PHACTR3: variants seen among roughly 807,000 people sequenced by gnomAD.
PHACTR3 encodes the protein protein phosphatase 1, regulatory subunit 123.
In PHACTR3, 16 loss-of-function variants were observed where a neutral mutation model predicts 66.8. The ratio of observed to expected loss-of-function variants is 0.24; its 90% confidence interval spans 0.16 to 0.36. The LOEUF is 0.36. Among genes scored for constraint, PHACTR3 ranks in the 10% least tolerant of loss-of-function variants. PHACTR3 has a pLI of 1.00. For missense variants in PHACTR3, 647 were observed against 719.9 expected, an observed-to-expected ratio of 0.90 and a Z score of 1.16; for synonymous variants, 323 against 292.1, an observed-to-expected ratio of 1.11 and a Z score of -1.08.
intron 12 of PHACTR3, 63 bp downstream of exon 12, chr20:59,845,328 TC>T (rs2145537192): frequency 1.0e-6 from 1 of 998,914 alleles, no homozygotes; most frequent in African/African-American, 1.6e-5. Context: ...CCTTCCCCCG[TC>T]CCCCGCCACA....
At chr20:59,652,133 A>G (rs980641944) in intron 1 of PHACTR3, among the ~76,000 whole-genome samples, 3 of 152,166 alleles carry the variant, frequency 2.0e-5, no homozygotes, top group African/African-American at 7.2e-5. Context: ...GAAGGAAAAA[A>G]GGCTGACTTC....
intron 1 of PHACTR3, among the ~76,000 whole-genome samples, chr20:59,617,280 A>C (rs2034061320): frequency 6.6e-6 from 1 of 152,186 alleles, no homozygotes. Flanking sequence ...GAAAAACCCA[A>C]AAAAAACAAC....
chr20:59,589,364 G>A (rs1031339798), intron 1 of PHACTR3, among the ~76,000 whole-genome samples: 1 of 152,178 alleles, frequency 6.6e-6, no homozygotes, highest in Non-Finnish European at 1.5e-5. Flanking sequence ...AATGGTGGGC[G>A]CCGAGAGATC....
chr20:59,662,518 C>A (rs1446166775), intron 1 of PHACTR3, among the ~76,000 whole-genome samples: 1 of 152,132 alleles, frequency 6.6e-6, no homozygotes, highest in Non-Finnish European at 1.5e-5. Context: ...AAGGGGGAAG[C>A]ATGCACGTTG....
intron 1 of PHACTR3, among the ~76,000 whole-genome samples, chr20:59,612,458 T>C (rs913859504): frequency 4.6e-5 from 7 of 152,026 alleles, no homozygotes; most frequent in Admixed American, 2.6e-4. Context: ...CCTGCCTGGT[T>C]CAAGCAATTC....
rs143554549 is a variant in PHACTR3 at position 59,703,690 on chromosome 20, G to GGT, written c.119-39405_119-39404dup. Among the ~76,000 whole-genome samples the GGT allele has an allele frequency of 1.8e-4, 26 of 147,970 alleles. No individual in the cohort carries two copies. The South Asian group carries it at 3.1e-3, about 18-fold the overall frequency. On this transcript the variant is annotated intron_variant, in intron 1 of 12. Transcript: ENST00000371015. ...TTAATATTTTGGTGTATTTCCTTGG[G>GGT]GTGTGTGTGTGTGAGTGTGTGTGTG...
At chr20:59,786,397 G>T (rs2040916521) in intron 7 of PHACTR3, among the ~76,000 whole-genome samples, 1 of 152,214 alleles carries the variant, frequency 6.6e-6, no homozygotes, top group South Asian at 2.1e-4. Context: ...CTACTCCAAG[G>T]CCCTTCTGTG....
At chr20:59,708,015 T>C (rs1436592834) in intron 1 of PHACTR3, among the ~76,000 whole-genome samples, 1 of 152,230 alleles carries the variant, frequency 6.6e-6, no homozygotes, top group Non-Finnish European at 1.5e-5. Flanking sequence ...CCAGAAAAAG[T>C]CCTGGAATGG....
At chr20:59,802,397 G>T (rs1220343389) in intron 7 of PHACTR3, among the ~76,000 whole-genome samples, 1 of 152,218 alleles carries the variant, frequency 6.6e-6, no homozygotes, top group Non-Finnish European at 1.5e-5. Flanking sequence ...AATCATTGAG[G>T]CAGGAGGATA....
intron 1 of PHACTR3, among the ~76,000 whole-genome samples, chr20:59,580,836 C>G (rs767952959): frequency 5.3e-5 from 8 of 152,188 alleles, no homozygotes; most frequent in African/African-American, 9.7e-5. Flanking sequence ...GCAGGCTTTT[C>G]TGGTAGCAAG....
At chr20:59,661,292 A>G (rs1266339473) in intron 1 of PHACTR3, among the ~76,000 whole-genome samples, 2 of 152,144 alleles carry the variant, frequency 1.3e-5, no homozygotes, top group South Asian at 2.1e-4. Context: ...GGTGTTTCAG[A>G]CAGAGGTCCT....
intron 1 of PHACTR3, among the ~76,000 whole-genome samples, chr20:59,707,457 C>CTTT (rs34134572): frequency 0.16 from 16,243 of 100,180 alleles, 1,723 homozygotes; most frequent in South Asian, 0.21. Flanking sequence ...TGCTCCCACT[C>CTTT]TTTTTTTTTT....
chr20:59,826,277 C>T (rs2042189103), intron 8 of PHACTR3, among the ~76,000 whole-genome samples: 1 of 152,126 alleles, frequency 6.6e-6, no homozygotes, highest in Non-Finnish European at 1.5e-5. Context: ...CCAGGAATTC[C>T]CTGCCACAGG....
intron 1 of PHACTR3, among the ~76,000 whole-genome samples, chr20:59,713,761 T>C (rs146032997): frequency 6.6e-6 from 1 of 152,130 alleles, no homozygotes; most frequent in East Asian, 1.9e-4. Context: ...TTTTTTCTCC[T>C]TTTTTGGTAA....
chr20:59,824,307 A>T (rs192912297), intron 8 of PHACTR3, among the ~76,000 whole-genome samples: 53 of 152,326 alleles, frequency 3.5e-4, no homozygotes, highest in Non-Finnish European at 6.5e-4. Context: ...TCATGAGCAG[A>T]TGTAAGATTG....
intron 1 of PHACTR3, among the ~76,000 whole-genome samples, chr20:59,741,680 C>T (rs201618164): frequency 7.9e-5 from 12 of 152,060 alleles, no homozygotes; most frequent in Admixed American, 2.6e-4. Context: ...GCTTGTGCTA[C>T]AAAAACAGCC....
chr20:59,650,731 C>T (rs1309923775), intron 1 of PHACTR3, among the ~76,000 whole-genome samples: 3 of 111,476 alleles, frequency 2.7e-5, no homozygotes, highest in African/African-American at 3.6e-5. Flanking sequence ...TTTTCCAATG[C>T]GTTGATAGCA....
At chr20:59,655,071 TA>T (rs1352162968) in intron 1 of PHACTR3, among the ~76,000 whole-genome samples, 1 of 152,084 alleles carries the variant, frequency 6.6e-6, no homozygotes, top group Non-Finnish European at 1.5e-5. Context: ...TCTATGTTTT[TA>T]TTTTAATTGT....
chr20:59,700,051 C>A (rs2037441857), intron 1 of PHACTR3, among the ~76,000 whole-genome samples: 1 of 152,204 alleles, frequency 6.6e-6, no homozygotes, highest in African/African-American at 2.4e-5. Flanking sequence ...CTGAGGCAAC[C>A]ACTGTTACAA....
Sources: allele counts gnomAD v4.1 joint callset (sites outside exome capture counted in the v4.1 genomes callset), GRCh38; gene constraint gnomAD v4.1.1; transcripts MANE v1.5; gene names NCBI Gene and HGNC (gene_info 2026-07-23, HGNC 2026-07-21).